The following ITGA9 variants were observed in gnomAD, a reference collection of about 807,000 sequenced individuals.
The protein encoded by ITGA9 is integrin subunit alpha 9, also known as integrin alpha-9.
A neutral mutation model predicts 127.8 loss-of-function variants in ITGA9; 56 were observed. The ratio of observed to expected loss-of-function variants is 0.44; its 90% CI spans 0.35 to 0.55. The LOEUF (loss-of-function observed/expected upper bound fraction) is 0.55. ITGA9 is among the 20% of genes least tolerant of loss of function. The probability of loss-of-function intolerance (pLI) is 0.00; values close to 1 mark genes in which losing one functional copy is unlikely to be tolerated. For synonymous variants in ITGA9, 508 were observed against 514.5 expected (o/e 0.99, Z 0.17); for missense variants, 1,196 against 1,347.1 (o/e 0.89, Z 1.76).
Position 37,452,626 on chromosome 3 carries a change from C to A in ITGA9, c.185+67C>A. 7.5e-7 allele frequency: 1 copy of A among 1,331,336 alleles called. No individual in the cohort carries two copies. Among genetic ancestry groups the A allele is most frequent in the South Asian group, 1.5e-5 (1 of 65,286 alleles). The allele number at this position is 1,331,336 out of a possible 1,614,324, so 82.5% of individuals were successfully genotyped here. A position where few individuals can be genotyped will look rare whatever the true frequency, so the allele number is the denominator to read the frequency against. The stretch of plus-strand genomic sequence containing the variant: ...ACCGCCCCGGCCCCCAGGCCAGCGC[C>A]GCCGCCGCCTTTCCGGTCTCTTCCA... On this transcript the variant is annotated intron_variant, in intron 1 of 27. Transcript: ENST00000264741. The surrounding 1 kb of genome is among the most constrained non-coding windows in gnomAD (Gnocchi z 7.3).
At chr3:37,520,880 C>T (rs77395125) in intron 11 of ITGA9, among the ~76,000 whole-genome samples, 5,755 of 152,290 alleles carry the variant, frequency 0.038, 122 homozygotes, top group Non-Finnish European at 0.05. Flanking sequence ...TCCTGGACCT[C>T]GGAAGCTAAT....
chr3:37,800,333 C>T (rs2125560963), intron 26 of ITGA9, among the ~76,000 whole-genome samples: 1 of 152,358 alleles, frequency 6.6e-6, no homozygotes, highest in Non-Finnish European at 1.5e-5. Context: ...ACTTTTCTCA[C>T]ACCCAGGTGC....
rs112178690 is a variant in ITGA9 at position 37,589,787 on chromosome 3, C to T, written c.1690-39400C>T. 3.2e-3 allele frequency among the ~76,000 whole-genome samples: 481 copies of T among 152,248 alleles called. 2 individuals are homozygous for T. The highest frequency in any genetic ancestry group is 0.011 in the African/African-American group (455 of 41,538). On this transcript the variant is annotated intron_variant, in intron 15 of 27. Coordinates refer to ENST00000264741, the MANE Select transcript of ITGA9 (RefSeq NM_002207.3). ...GAATGAGGGTGTAGGTATTAAGAGACGAGGTCAGAGACATGACAGAGGCCT... is the reference window on the plus strand; with the variant it reads ...GAATGAGGGTGTAGGTATTAAGAGATGAGGTCAGAGACATGACAGAGGCCT...
chr3:37,579,204 C>A (rs1186132726), intron 15 of ITGA9, among the ~76,000 whole-genome samples: 1 of 152,198 alleles, frequency 6.6e-6, no homozygotes, highest in Non-Finnish European at 1.5e-5. Context: ...AGTCAAATTG[C>A]ATGCAGCAGA....
rs777529971 is a variant in ITGA9 at position 37,602,277 on chromosome 3, CA to C, written c.1690-26900del. Among the ~76,000 whole-genome samples the C allele has an allele frequency of 8.8e-3, 1,321 of 150,428 alleles. 23 individuals carry two copies. The highest frequency in any genetic ancestry group is 0.028 in the African/African-American group (1,131 of 41,000). On this transcript the variant is annotated intron_variant, in intron 15 of 27. Transcript: ENST00000264741. ...AACATTGTTCAAAAACAAAACAAAA[CA>C]AAAAAAAAATGTTTGTTCTTATATC...
chr3:37,579,875 C>A (rs554563859), intron 15 of ITGA9, among the ~76,000 whole-genome samples: 16 of 152,276 alleles, frequency 1.1e-4, no homozygotes, highest in Non-Finnish European at 2.2e-4. Context: ...CCTCCCATAT[C>A]CCTCACCATG....
intron 23 of ITGA9, among the ~76,000 whole-genome samples, chr3:37,759,279 T>C (rs778881546): frequency 1.5e-4 from 23 of 151,786 alleles, no homozygotes; most frequent in Non-Finnish European, 2.4e-4. Flanking sequence ...GAATCCAGAA[T>C]TGCTACAATA....
Position 37,785,119 on chromosome 3 carries a change from G to A in ITGA9, c.2889+41G>A, listed in dbSNP as rs765826151. 7.3e-6 allele frequency: 10 copies of A among 1,367,066 alleles called. No homozygotes were observed. The African/African-American group carries it at 1.4e-4, about 20-fold the overall frequency. 84.7% of individuals were successfully genotyped at this position (1,367,066 alleles called of 1,614,324 possible). On this transcript the variant is annotated intron_variant, in intron 26 of 27. Coordinates refer to ENST00000264741, the MANE Select transcript of ITGA9 (RefSeq NM_002207.3). ...CAGGACAGCCCTCCTCAGAGGGCAA[G>A]GGAAGCTGGGTGACTTGGAGACCTG...
Position 37,606,332 on chromosome 3 carries a change from G to T in ITGA9, c.1690-22855G>T, listed in dbSNP as rs564849870. On this transcript the variant is annotated intron_variant, in intron 15 of 27. Coordinates refer to ENST00000264741, the MANE Select transcript of ITGA9 (RefSeq NM_002207.3). The stretch of plus-strand genomic sequence containing the variant: ...TGTTCACTGGAACGGAGCTGCAATG[G>T]TGGAAACGTTCTGTGTGTGCCCTGT... 6.6e-5 allele frequency among the ~76,000 whole-genome samples: 10 copies of T among 152,304 alleles called. No individual in the cohort carries two copies. In the South Asian group the frequency reaches 2.1e-3, roughly 32 times the overall value.
chr3:37,655,283 A>C (rs1250488631), intron 17 of ITGA9, among the ~76,000 whole-genome samples: 1 of 152,210 alleles, frequency 6.6e-6, no homozygotes, highest in Non-Finnish European at 1.5e-5. Flanking sequence ...GTTTTCCACA[A>C]TAGTTGAACT....
chr3:37,548,019 AACTT>A (rs999929319), intron 15 of ITGA9, among the ~76,000 whole-genome samples: 4 of 152,282 alleles, frequency 2.6e-5, no homozygotes, highest in Non-Finnish European at 5.9e-5. Context: ...CACTGTAGTA[AACTT>A]ACTTTTTCTT....
At position 37,461,444 on chromosome 3, in the gene ITGA9, C is replaced by T. The variant is rs369487687; in HGVS notation, c.185+8885C>T. Among the ~76,000 whole-genome samples the T allele has an allele frequency of 7.2e-4, 110 of 152,316 alleles. 1 individual carries two copies. The highest frequency in any genetic ancestry group is 6.8e-3 in the Middle Eastern group (2 of 294). Reference sequence around the variant, plus strand: ...GTGGGGGCATTAAATGAGATGATATCTGCAAAGCCCAGAGCACAACACGGC... The same window carrying T: ...GTGGGGGCATTAAATGAGATGATATTTGCAAAGCCCAGAGCACAACACGGC... On this transcript the variant is annotated intron_variant, in intron 1 of 27. Transcript: ENST00000264741.
At chr3:37,720,345 T>A (rs935544483) in intron 18 of ITGA9, among the ~76,000 whole-genome samples, 2 of 152,218 alleles carry the variant, frequency 1.3e-5, no homozygotes, top group Admixed American at 6.5e-5. Context: ...ATTCATGAGT[T>A]GTTTTTATGC....
intron 23 of ITGA9, among the ~76,000 whole-genome samples, chr3:37,773,362 G>A (rs779192290): frequency 3.3e-4 from 51 of 152,276 alleles, no homozygotes; most frequent in Non-Finnish European, 6.2e-4. Context: ...AGTTTCCAGC[G>A]GTCTGTCAGC....
chr3:37,612,467 G>A (rs993609773), intron 15 of ITGA9, among the ~76,000 whole-genome samples: 2 of 152,136 alleles, frequency 1.3e-5, no homozygotes, highest in Non-Finnish European at 2.9e-5. Context: ...ATAATATAGT[G>A]TGTAATATCT....
chr3:37,454,248 C>G (rs1304154541), intron 1 of ITGA9, among the ~76,000 whole-genome samples: 1 of 152,228 alleles, frequency 6.6e-6, no homozygotes, highest in Non-Finnish European at 1.5e-5. Context: ...GGCCAGGCCA[C>G]TGTCACTGTG....
chr3:37,730,715 G>A (rs1696280495), intron 18 of ITGA9, among the ~76,000 whole-genome samples: 1 of 152,222 alleles, frequency 6.6e-6, no homozygotes, highest in African/African-American at 2.4e-5. Flanking sequence ...TCTGAATCCT[G>A]TGCCATTTGC....
At chr3:37,788,192 G>A (rs1004984087) in intron 26 of ITGA9, among the ~76,000 whole-genome samples, 4 of 151,808 alleles carry the variant, frequency 2.6e-5, no homozygotes, top group Non-Finnish European at 4.4e-5. Flanking sequence ...TCATTTCCAG[G>A]GCATCTCTGG....
chr3:37,636,201 C>T (rs187061843), intron 16 of ITGA9, among the ~76,000 whole-genome samples: 97 of 152,294 alleles, frequency 6.4e-4, no homozygotes, highest in African/African-American at 2.2e-3. Flanking sequence ...CCTGAGGAAT[C>T]GCCATATTGA....
Sources: gnomAD v4.1 joint callset for allele counts (sites outside exome capture counted in the v4.1 genomes callset) on GRCh38, gnomAD v4.1.1 for gene constraint, Gnocchi (gnomAD v3.1) non-coding constraint, MANE v1.5 for transcripts, NCBI Gene and HGNC (gene_info 2026-07-23, HGNC 2026-07-21) for gene names.